TSHR: variants seen among roughly 807,000 people sequenced by gnomAD.
The protein encoded by TSHR is thyrotropin receptor.
In TSHR, 51 loss-of-function variants were observed where a neutral mutation model predicts 64.1. The ratio of observed to expected loss-of-function variants is 0.80; its 90% CI spans 0.64 to 1.01. The LOEUF is 1.01. Among genes scored for constraint, TSHR ranks in the 50% least tolerant of loss-of-function variants. The pLI is 0.00. For missense variants in TSHR, 877 were observed against 942.8 expected (o/e 0.93, Z 0.91); for synonymous variants, 361 against 361.9 (o/e 1.00, Z 0.03).
At chr14:80,987,263 C>T (rs1346266385) in intron 1 of TSHR, among the ~76,000 whole-genome samples, 1 of 152,170 alleles carries the variant, frequency 6.6e-6, no homozygotes, top group African/African-American at 2.4e-5. Context: ...CTGGTGCTTC[C>T]CAGATGCCAG....
At chr14:81,080,478 T>C (rs1300647129) in intron 3 of TSHR, among the ~76,000 whole-genome samples, 3 of 152,212 alleles carry the variant, frequency 2.0e-5, no homozygotes, top group Non-Finnish European at 4.4e-5. Context: ...ATCACTTCTA[T>C]AATGTTCTAT....
Position 81,061,583 on chromosome 14 carries a change from A to C in TSHR, c.171-565A>C, listed in dbSNP as rs900638230. Among the ~76,000 whole-genome samples the C allele has an allele frequency of 3.2e-4, 49 of 152,228 alleles. 1 individual carries two copies. Among genetic ancestry groups the C allele is most frequent in the African/African-American group, 1.1e-3 (47 of 41,564 alleles). On this transcript the variant is annotated intron_variant, in intron 1 of 9. Transcript: ENST00000298171. ...CCACATGTTCTCACTTATAAGTGAG[A>C]GCTAAATGATGAGAACTCATGGACA...
chr14:81,033,097 C>T (rs1199621319), intron 1 of TSHR: 1 of 358,010 alleles, frequency 2.8e-6, no homozygotes, highest in East Asian at 7.5e-5. Context: ...ATGCATTACT[C>T]AAGCTGGAAA....
intron 1 of TSHR, chr14:81,050,792 T>C (rs1885391287): frequency 6.6e-6 from 1 of 152,216 alleles, no homozygotes; most frequent in African/African-American, 2.4e-5. Flanking sequence ...AATTAACATG[T>C]ACACCACCTT....
chr14:81,011,144 G>T (rs115531064), intron 1 of TSHR, among the ~76,000 whole-genome samples: 1,800 of 152,244 alleles, frequency 0.012, 21 homozygotes, highest in African/African-American at 0.016. Context: ...CAGTTTTGGT[G>T]TCAAGATTGT....
intron 4 of TSHR, among the ~76,000 whole-genome samples, chr14:81,090,688 C>G (rs1276479468): frequency 6.6e-6 from 1 of 152,138 alleles, no homozygotes; most frequent in Non-Finnish European, 1.5e-5. Context: ...CTTCCTGTCC[C>G]ATCTTCTTCT....
intron 1 of TSHR, among the ~76,000 whole-genome samples, chr14:81,048,050 G>A (rs1250759802): frequency 6.6e-6 from 1 of 152,108 alleles, no homozygotes; most frequent in Non-Finnish European, 1.5e-5. Flanking sequence ...ATTCACTCAG[G>A]ACTTTGCAAT....
intron 2 of TSHR, among the ~76,000 whole-genome samples, chr14:81,067,607 A>C (rs1476148735): frequency 1.3e-5 from 2 of 149,290 alleles, no homozygotes; most frequent in Non-Finnish European, 3.0e-5. Context: ...CATTGCCTAC[A>C]CATTAGAATC....
At chr14:81,033,584 G>A (rs535945458) in intron 1 of TSHR, among the ~76,000 whole-genome samples, 2 of 139,790 alleles carry the variant, frequency 1.4e-5, no homozygotes, top group Admixed American at 7.1e-5. Context: ...TTTATCAGAA[G>A]TTGCTAAGAT....
At chr14:81,110,201 T>A (rs1297339613) in intron 8 of TSHR, among the ~76,000 whole-genome samples, 1 of 152,248 alleles carries the variant, frequency 6.6e-6, no homozygotes, top group Admixed American at 6.5e-5. Flanking sequence ...CTAAATTGTA[T>A]CTGTCTTCCT....
Position 80,977,549 on chromosome 14 carries a change from T to C in TSHR, c.170+21699T>C, listed in dbSNP as rs550666025. On this transcript the variant is annotated intron_variant, in intron 1 of 9. Transcript: ENST00000298171. ...ATGTTTTTCTGCACTGCAGATGGTG[T>C]GGACTCACTCTAGAAATCCAGAGTA... 9.2e-5 allele frequency among the ~76,000 whole-genome samples: 14 copies of C among 152,352 alleles called. 1 individual carries two copies. Among genetic ancestry groups the C allele is most frequent in the African/African-American group, 3.4e-4 (14 of 41,602 alleles).
intron 1 of TSHR, chr14:80,982,005 T>G: frequency 2.7e-6 from 1 of 364,432 alleles, no homozygotes; most frequent in Non-Finnish European, 5.4e-6. Flanking sequence ...GGACTAAGAA[T>G]AAGACAAGAG....
chr14:81,144,312 C>T lies in TSHR; in HGVS notation c.2254C>T (p.Gln752Ter). Residue 752 changes from glutamine (Q) to a stop codon, truncating the protein, a stop_gained, in exon 10 of 10, where the codon CAA becomes TAA. Transcript: ENST00000298171. LOFTEE classifies it high-confidence loss of function. ...AAACTCCCATCTAACCCCAAAGAAG[C>T]AAGGCCAAATCTCAGAAGAGTATAT... ...IENSHLTPKK[Q>*]GQISEEYMQT... 1 of 1,614,172 alleles carries T rather than the reference C, an allele frequency of 6.2e-7. No homozygotes were observed. Among genetic ancestry groups the T allele is most frequent in the South Asian group, 1.1e-5 (1 of 91,080 alleles).
intron 8 of TSHR, among the ~76,000 whole-genome samples, chr14:81,115,621 G>C (rs770351298): frequency 1.3e-5 from 2 of 151,958 alleles, no homozygotes; most frequent in Non-Finnish European, 1.5e-5. Flanking sequence ...ATATTATCCA[G>C]GAGAAATTCC....
At chr14:80,977,024 T>C (rs2110696) in intron 1 of TSHR, among the ~76,000 whole-genome samples, 40,245 of 152,250 alleles carry the variant, frequency 0.26, 6,529 homozygotes, top group South Asian at 0.4. Flanking sequence ...TTTGGTAGGC[T>C]CTTGCATTGC....
At chr14:81,090,945 G>T in intron 4 of TSHR, 124 bp from the exon 5 acceptor site, 1 of 775,466 alleles carries the variant, frequency 1.3e-6, no homozygotes, top group East Asian at 2.6e-5. Flanking sequence ...GGAAGGTGTT[G>T]GGAGTTTGAC....
intron 7 of TSHR, chr14:81,102,738 G>A (rs1192307964): frequency 1.0e-6 from 1 of 956,062 alleles, no homozygotes; most frequent in East Asian, 1.2e-4. Context: ...GATTTGACTG[G>A]AGGGTCATAG....
At chr14:81,029,610 C>T (rs1884246523) in intron 1 of TSHR, among the ~76,000 whole-genome samples, 1 of 152,078 alleles carries the variant, frequency 6.6e-6, no homozygotes, top group African/African-American at 2.4e-5. Context: ...ATTCTTTATG[C>T]TTACTTTATG....
chr14:81,108,501 T>TTTTC, intron 8 of TSHR, 49 bp downstream of exon 8: 1 of 1,504,826 alleles, frequency 6.6e-7, no homozygotes, highest in Non-Finnish European at 9.1e-7. Context: ...TTTCTTTTTT[T>TTTTC]TTTTTTGGAA....
Sources: gnomAD v4.1 joint callset for allele counts (sites outside exome capture counted in the v4.1 genomes callset) on GRCh38, gnomAD v4.1.1 for gene constraint, MANE v1.5 for transcripts, NCBI Gene and HGNC (gene_info 2026-07-23, HGNC 2026-07-21) for gene names.